The following MYO7A variants were observed in gnomAD, a reference collection of about 807,000 sequenced individuals.
MYO7A encodes unconventional myosin-VIIa.
In MYO7A, 210 loss-of-function variants were observed where a neutral mutation model predicts 263.8. The observed-to-expected ratio is 0.80, with a 90% CI of 0.71 to 0.89. The LOEUF is 0.89. Ranked by LOEUF, MYO7A falls within the 40% of genes least tolerant of loss-of-function variation. The probability of loss-of-function intolerance (pLI) is 0.00; values close to 1 mark genes in which losing one functional copy is unlikely to be tolerated. For missense variants in MYO7A, 2,820 were observed against 2,968.3 expected (o/e 0.95, Z 1.16); for synonymous variants, 1,239 against 1,197.3 (o/e 1.03, Z -0.72).
intron 32 of MYO7A, among the ~76,000 whole-genome samples, chr11:77,196,228 G>T (rs556090222): frequency 1.3e-5 from 2 of 152,198 alleles, no homozygotes; most frequent in Non-Finnish European, 2.9e-5. Flanking sequence ...TTCACCAGGC[G>T]TGGTGGTGGG....
rs564372238 is a variant in MYO7A, at chr11:77,165,255, C to T, written c.1691-801C>T. On this transcript the variant is annotated intron_variant, in intron 14 of 48. Coordinates refer to ENST00000409709, the MANE Select transcript of MYO7A (RefSeq NM_000260.4). ...TCCGCCATTCATGGGCAGCCTATGT[C>T]CTGCTCTGTGCAGTGGCACTCCCCC... 3.9e-5 allele frequency among the ~76,000 whole-genome samples: 6 copies of T among 152,326 alleles called. No individual in the cohort carries two copies. The East Asian group carries it at 9.6e-4, about 24-fold the overall frequency.
In MYO7A at chr11:77,214,903, C is replaced by A; in HGVS notation, c.*207C>A. On this transcript the variant is annotated 3_prime_UTR_variant, in exon 49 of 49. Transcript: ENST00000409709. ...GATGCAGAACTTCCCTCCATCCACC[C>A]CTCTGGCACCTGGGTTGGTCTAATC... The A allele has an allele frequency of 1.8e-6, 1 of 550,518 alleles. No homozygotes were observed. The highest frequency in any genetic ancestry group is 3.2e-6 in the Non-Finnish European group (1 of 308,038). The allele number at this position is 550,518 out of a possible 1,614,324, so 34.1% of individuals were successfully genotyped here.
chr11:77,202,725 G>A (rs1957154136), intron 37 of MYO7A, among the ~76,000 whole-genome samples: 1 of 150,664 alleles, frequency 6.6e-6, no homozygotes, highest in East Asian at 2.0e-4. Context: ...GCACTGTGAT[G>A]AGGATGCTTC....
chr11:77,190,842 T>A lies in MYO7A; in HGVS notation c.3896T>A (p.Phe1299Tyr). The A allele has an allele frequency of 6.3e-7, 1 of 1,585,060 alleles. No individual in the cohort carries two copies. The highest frequency in any genetic ancestry group is 1.3e-5 in the African/African-American group (1 of 74,262). ...ATCTCTCTCAAGGACCGGTTCGGGT[T>A]CTCCCTCTACATTGCCCTGTTTGAC... ...DKISLKDRFG[F>Y]SLYIALFDKV... is the part of the protein sequence containing the mutation. The change falls in exon 30 of 49, where the codon TTC becomes TAC. Residue 1299 changes from phenylalanine (F) to tyrosine (Y), a missense_variant. Physicochemically the swap from Phe to Tyr is conservative, Grantham distance 22 (BLOSUM62 3). Transcript: ENST00000409709.
chr11:77,169,136 G>A (rs1005425874), intron 15 of MYO7A, among the ~76,000 whole-genome samples: 17 of 152,250 alleles, frequency 1.1e-4, no homozygotes, highest in Non-Finnish European at 2.4e-4. Flanking sequence ...TTCAATGACA[G>A]TGTACTAGTG....
chr11:77,212,881 C>A, intron 46 of MYO7A, 71 bp from the exon 47 acceptor site: 1 of 1,222,790 alleles, frequency 8.2e-7, no homozygotes, highest in Non-Finnish European at 1.2e-6. Context: ...TGGGGCCAGG[C>A]TTCATTCCTG....
In MYO7A at chr11:77,179,834, C is replaced by T. The variant is rs995330889; in HGVS notation, c.2467C>T (p.Arg823Cys). The T allele has an allele frequency of 1.0e-5, 16 of 1,543,568 alleles. No individual in the cohort carries two copies. The highest frequency in any genetic ancestry group is 5.9e-5 in the Admixed American group (3 of 51,102). Reference protein sequence around the residue: ...ARQRIIQFQARCRAYLVRKAF... With the variant: ...ARQRIIQFQACCRAYLVRKAF... ...CCAGCGCATCATCCAGTTCCAGGCC[C>T]GCTGCCGCGCCTATCTGGTGCGCAA... The change falls in exon 21 of 49, where the codon CGC (arginine) becomes TGC (cysteine). Residue 823 changes from arginine (R) to cysteine (C), a missense_variant. By Grantham distance (180) the Arg-to-Cys change is radical. Coordinates refer to ENST00000409709, the MANE Select transcript of MYO7A (RefSeq NM_000260.4).
chr11:77,145,429 G>A (rs371148708), intron 3 of MYO7A, among the ~76,000 whole-genome samples: 5 of 152,140 alleles, frequency 3.3e-5, no homozygotes, highest in African/African-American at 1.2e-4. Flanking sequence ...GGGTCAGGCC[G>A]TGGCTGAGCA....
In MYO7A at chr11:77,147,997, G is replaced by GCCCCGCCCACCTCGCCCCA. The variant is rs1951702098; in HGVS notation, c.285+56_285+74dup. ...GCCCGTCCAGGCCCCCTCAGGCCCC[G>GCCCCGCCCACCTCGCCCCA]CCCCGCCCACCTCGCCCCACCCCGC... On this transcript the variant is annotated intron_variant, in intron 4 of 48. Coordinates refer to ENST00000409709, the MANE Select transcript of MYO7A (RefSeq NM_000260.4). The GCCCCGCCCACCTCGCCCCA allele has an allele frequency of 8.7e-6, 11 of 1,270,516 alleles. 1 individual carries two copies. Among genetic ancestry groups the GCCCCGCCCACCTCGCCCCA allele is most frequent in the Admixed American group, 2.6e-5 (1 of 38,844 alleles). 78.7% of individuals were successfully genotyped at this position (1,270,516 alleles called of 1,614,324 possible). A position where few individuals can be genotyped will look rare whatever the true frequency, so the allele number is the denominator to read the frequency against.
chr11:77,155,281 T>G (rs933079240), intron 4 of MYO7A, among the ~76,000 whole-genome samples: 1 of 152,096 alleles, frequency 6.6e-6, no homozygotes, highest in Non-Finnish European at 1.5e-5. Context: ...CTATCTGAGG[T>G]GCACCTGGCC....
intron 2 of MYO7A, among the ~76,000 whole-genome samples, chr11:77,131,406 G>A (rs1367005900): frequency 6.6e-6 from 1 of 152,228 alleles, no homozygotes; most frequent in Non-Finnish European, 1.5e-5. Context: ...TTGCATATGA[G>A]TGCGTGCGCG....
At chr11:77,130,520 A>T in intron 1 of MYO7A, 69 bp from the exon 2 acceptor site, 1 of 1,255,726 alleles carries the variant, frequency 8.0e-7, no homozygotes, top group Non-Finnish European at 1.1e-6. Flanking sequence ...AGCCCAGGTG[A>T]CCCCAGCCAG....
At chr11:77,182,863 G>GT (rs1173628978) in intron 25 of MYO7A, among the ~76,000 whole-genome samples, 11 of 152,236 alleles carry the variant, frequency 7.2e-5, no homozygotes, top group Non-Finnish European at 1.6e-4. Context: ...CCCGTACTAT[G>GT]TTTTTCTGAG....
At chr11:77,185,649 T>G (rs1461196535) in intron 27 of MYO7A, among the ~76,000 whole-genome samples, 3 of 152,206 alleles carry the variant, frequency 2.0e-5, no homozygotes, top group Non-Finnish European at 1.5e-5. Context: ...TGGAATCCAC[T>G]TCTTCTAAAC....
chr11:77,214,224 G>A (rs1201682588), intron 48 of MYO7A, among the ~76,000 whole-genome samples: 1 of 152,220 alleles, frequency 6.6e-6, no homozygotes, highest in Non-Finnish European at 1.5e-5. Flanking sequence ...AGTATCTGGG[G>A]ATCGGGCCCA....
chr11:77,214,011 T>A (rs1591515347), intron 48 of MYO7A, 32 bp downstream of exon 48: 1 of 1,612,810 alleles, frequency 6.2e-7, no homozygotes, highest in Admixed American at 1.7e-5. Flanking sequence ...CCTAGTGGGC[T>A]CCCTGCCTTG....
rs146255096 is a variant in MYO7A at position 77,151,284 on chromosome 11, G to C, written c.285+3334G>C. ...AGGCTGGAGCCCTGATCTGGGAGGTGGGAGGCTGGTGTCCAGTCTTGGCGT... is the reference window on the plus strand; with the variant it reads ...AGGCTGGAGCCCTGATCTGGGAGGTCGGAGGCTGGTGTCCAGTCTTGGCGT... On this transcript the variant is annotated intron_variant, in intron 4 of 48. Transcript: ENST00000409709. Among the ~76,000 whole-genome samples, 225 of 152,370 alleles carry C rather than the reference G, an allele frequency of 1.5e-3. 2 individuals carry two copies. The highest frequency in any genetic ancestry group is 5.2e-3 in the African/African-American group (216 of 41,588).
At chr11:77,130,498 G>A in intron 1 of MYO7A, 91 bp from the exon 2 acceptor site, 1 of 948,430 alleles carries the variant, frequency 1.1e-6, no homozygotes, top group Non-Finnish European at 1.6e-6. Flanking sequence ...GAGGAGCTGG[G>A]GCTTTGGGAG....
chr11:77,203,260 G>T (rs1190094501), intron 38 of MYO7A, 43 bp downstream of exon 38: 3 of 1,537,992 alleles, frequency 2.0e-6, no homozygotes, highest in East Asian at 2.5e-5. Flanking sequence ...CCAGGGACCG[G>T]GCAGGGCCTT....
Sources: allele counts gnomAD v4.1 joint callset (sites outside exome capture counted in the v4.1 genomes callset), GRCh38; gene constraint gnomAD v4.1.1; transcripts MANE v1.5; gene names NCBI Gene and HGNC (gene_info 2026-07-23, HGNC 2026-07-21).